Variants in FBXL7 observed in about 807,000 individuals in gnomAD.
The protein encoded by FBXL7 is F-box/LRR-repeat protein 7.
A neutral mutation model predicts 38.3 loss-of-function variants in FBXL7; 12 were observed. That is an observed-to-expected ratio of 0.31 (90% CI 0.20 to 0.51). FBXL7 has a LOEUF of 0.51. FBXL7 is among the 20% of genes least tolerant of loss of function. The pLI, the probability that FBXL7 is intolerant of heterozygous loss-of-function variation, is 0.98. For synonymous variants in FBXL7, 297 were observed against 300.9 expected (o/e 0.99, Z 0.13); for missense variants, 567 against 676.4 (o/e 0.84, Z 1.79).
At chr5:15,921,776 A>T (rs961085496) in intron 2 of FBXL7, among the ~76,000 whole-genome samples, 8 of 152,332 alleles carry the variant, frequency 5.3e-5, no homozygotes, top group Non-Finnish European at 7.3e-5. Context: ...GGGAAATGCA[A>T]ATCAAAACTA....
intron 2 of FBXL7, among the ~76,000 whole-genome samples, chr5:15,721,741 T>C (rs1167719079): frequency 1.3e-5 from 2 of 152,204 alleles, no homozygotes; most frequent in Non-Finnish European, 2.9e-5. Flanking sequence ...CTCTATTTCC[T>C]CATTTTTAGT....
intron 2 of FBXL7, among the ~76,000 whole-genome samples, chr5:15,657,387 A>T (rs368496254): frequency 2.6e-5 from 4 of 152,260 alleles, no homozygotes; most frequent in Non-Finnish European, 5.9e-5. Context: ...ACAAGAAAAC[A>T]TAGTACCGGC....
intron 2 of FBXL7, among the ~76,000 whole-genome samples, chr5:15,798,975 A>G (rs1209525615): frequency 6.6e-6 from 1 of 152,224 alleles, no homozygotes; most frequent in South Asian, 2.1e-4. Context: ...TGGTGCATTG[A>G]CACAGCCCCC....
intron 1 of FBXL7, among the ~76,000 whole-genome samples, chr5:15,537,051 C>T (rs775258440): frequency 1.3e-5 from 2 of 152,126 alleles, no homozygotes; most frequent in Non-Finnish European, 2.9e-5. Flanking sequence ...CTCCTGCTGC[C>T]TTGTAAGTCA....
At position 15,603,949 on chromosome 5, in the gene FBXL7, C is replaced by T. The variant is rs537054535; in HGVS notation, c.38-12034C>T. Among the ~76,000 whole-genome samples, 5 of 152,268 alleles carry T rather than the reference C, an allele frequency of 3.3e-5. No homozygotes were observed. In the South Asian group the frequency reaches 1.0e-3, roughly 32 times the overall value. ...GCCAAAAGTTCAAGACCAGTCTGGC[C>T]AACATGGCGAAACCCTGTCTCTACT... On this transcript the variant is annotated intron_variant, in intron 1 of 3. Coordinates refer to ENST00000504595, the MANE Select transcript of FBXL7 (RefSeq NM_012304.5).
At chr5:15,799,540 T>C (rs1737505362) in intron 2 of FBXL7, among the ~76,000 whole-genome samples, 1 of 152,062 alleles carries the variant, frequency 6.6e-6, no homozygotes, top group Admixed American at 6.5e-5. Flanking sequence ...TTTTGTATTT[T>C]TAGTAGAGAC....
intron 1 of FBXL7, among the ~76,000 whole-genome samples, chr5:15,528,490 T>A (rs1173129494): frequency 6.6e-6 from 1 of 152,162 alleles, no homozygotes. Flanking sequence ...GTGGCTGAGG[T>A]GGCCTCACAA....
At chr5:15,783,409 G>C (rs983165407) in intron 2 of FBXL7, among the ~76,000 whole-genome samples, 70 of 152,202 alleles carry the variant, frequency 4.6e-4, no homozygotes, top group African/African-American at 1.6e-3. Context: ...TGTCGAAGGT[G>C]ACATCAAGGT....
chr5:15,865,097 G>A (rs1394699744), intron 2 of FBXL7, among the ~76,000 whole-genome samples: 1 of 152,148 alleles, frequency 6.6e-6, no homozygotes, highest in Non-Finnish European at 1.5e-5. Flanking sequence ...AACTTAAGTG[G>A]TCATTATAAC....
chr5:15,845,551 A>T, intron 2 of FBXL7, among the ~76,000 whole-genome samples: 1 of 152,316 alleles, frequency 6.6e-6, no homozygotes, highest in East Asian at 1.9e-4. Flanking sequence ...TATTAAAATG[A>T]TAATATTCAA....
chr5:15,804,860 G>T (rs73054429), intron 2 of FBXL7, among the ~76,000 whole-genome samples: 16 of 152,100 alleles, frequency 1.1e-4, no homozygotes, highest in Non-Finnish European at 1.9e-4. Flanking sequence ...CCGCCAAACC[G>T]TGGAAAAACT....
At chr5:15,834,028 T>TA (rs1355359223) in intron 2 of FBXL7, among the ~76,000 whole-genome samples, 2 of 152,216 alleles carry the variant, frequency 1.3e-5, no homozygotes, top group African/African-American at 4.8e-5. Flanking sequence ...GTGTAAACTA[T>TA]AAAATGTTGA....
chr5:15,610,127 T>C (rs551083634), intron 1 of FBXL7, among the ~76,000 whole-genome samples: 1 of 152,348 alleles, frequency 6.6e-6, no homozygotes, highest in East Asian at 1.9e-4. Flanking sequence ...ACCACCCCCA[T>C]GATTCGGTTA....
Position 15,717,811 on chromosome 5 carries a change from G to C in FBXL7, c.127+101739G>C, listed in dbSNP as rs181430418. On this transcript the variant is annotated intron_variant, in intron 2 of 3. Transcript: ENST00000504595. ...CTTAAAAAATGCCAATGTCATGAAA[G>C]ATAGAAGAGCCCGGGGAAATGGTCT... Among the ~76,000 whole-genome samples the C allele has an allele frequency of 5.3e-5, 8 of 152,274 alleles. No homozygotes were observed. The East Asian group carries it at 1.5e-3, about 29-fold the overall frequency.
intron 2 of FBXL7, among the ~76,000 whole-genome samples, chr5:15,820,608 G>A (rs1738144066): frequency 6.6e-6 from 1 of 152,012 alleles, no homozygotes; most frequent in East Asian, 1.9e-4. Context: ...CCTTTCAAGT[G>A]AATTATCTCC....
At position 15,643,176 on chromosome 5, in the gene FBXL7, A is replaced by G. The variant is rs190294405; in HGVS notation, c.127+27104A>G. Among the ~76,000 whole-genome samples, 207 of 152,292 alleles carry G rather than the reference A, an allele frequency of 1.4e-3. 1 individual carries two copies. Among genetic ancestry groups the G allele is most frequent in the African/African-American group, 4.8e-3 (199 of 41,558 alleles). ...GAACTCTCTAGCGACAAGAGTCCCAATCCTTAGGCTTCATCATGGAGCTGC... is the reference window on the plus strand; with the variant it reads ...GAACTCTCTAGCGACAAGAGTCCCAGTCCTTAGGCTTCATCATGGAGCTGC... On this transcript the variant is annotated intron_variant, in intron 2 of 3. Coordinates refer to ENST00000504595, the MANE Select transcript of FBXL7 (RefSeq NM_012304.5).
intron 2 of FBXL7, among the ~76,000 whole-genome samples, chr5:15,878,741 G>C (rs1399302312): frequency 1.3e-5 from 2 of 152,154 alleles, no homozygotes; most frequent in African/African-American, 4.8e-5. Context: ...GACGCAGCCA[G>C]GCTGAGTTTT....
intron 2 of FBXL7, among the ~76,000 whole-genome samples, chr5:15,633,522 C>T (rs536376681): frequency 4.6e-5 from 7 of 151,878 alleles, no homozygotes; most frequent in African/African-American, 1.7e-4. Context: ...GCACATACTT[C>T]CAACACATTT....
chr5:15,594,360 T>A (rs1739560153), intron 1 of FBXL7, among the ~76,000 whole-genome samples: 1 of 152,264 alleles, frequency 6.6e-6, no homozygotes, highest in African/African-American at 2.4e-5. Flanking sequence ...AAAGTGTATC[T>A]GTTCTGATCT....
Sources: allele counts gnomAD v4.1 joint callset (sites outside exome capture counted in the v4.1 genomes callset), GRCh38; gene constraint gnomAD v4.1.1; transcripts MANE v1.5; gene names NCBI Gene and HGNC (gene_info 2026-07-23, HGNC 2026-07-21).